Variants in IRS1 observed in about 807,000 individuals in gnomAD.
IRS1 encodes insulin receptor substrate 1.
IRS1 carries 34 observed loss-of-function variants against 65.6 expected under a neutral mutation model. The observed-to-expected ratio is 0.52, with a 90% CI of 0.39 to 0.69. The LOEUF is 0.69. IRS1 is among the 30% of genes least tolerant of loss of function. IRS1 has a pLI of 0.00. For missense variants in IRS1, 1,641 were observed against 1,720.2 expected, an observed-to-expected ratio of 0.95 and a Z score of 0.81; for synonymous variants, 699 against 683.5, an observed-to-expected ratio of 1.02 and a Z score of -0.35.
chr2:226,746,741 TA>T (rs1410462069), intron 1 of IRS1, among the ~76,000 whole-genome samples: 1 of 152,042 alleles, frequency 6.6e-6, no homozygotes, highest in Admixed American at 6.6e-5. Context: ...TCTTTCTTTT[TA>T]ATGTGGAAAA....
Position 226,747,693 on chromosome 2 carries a change from C to T in IRS1, c.*22-11443G>A, listed in dbSNP as rs79435348. Among the ~76,000 whole-genome samples the T allele has an allele frequency of 5.3e-3, 810 of 152,250 alleles. 6 individuals carry two copies. The highest frequency in any genetic ancestry group is 9.3e-3 in the Non-Finnish European group (632 of 68,016). ...GGCCAGACAGAAGCCATCCATCTGGCCTTTGGCAGAAACACGCTCATGAGG... is the reference window on the plus strand; with the variant it reads ...GGCCAGACAGAAGCCATCCATCTGGTCTTTGGCAGAAACACGCTCATGAGG... On this transcript the variant is annotated intron_variant, in intron 1 of 1. Transcript: ENST00000305123.
At chr2:226,749,934 T>G (rs1285088263) in intron 1 of IRS1, among the ~76,000 whole-genome samples, 1 of 152,068 alleles carries the variant, frequency 6.6e-6, no homozygotes, top group African/African-American at 2.4e-5. Context: ...TCCTTGATTG[T>G]GTGGTATTGT....
rs750186385 is a variant in IRS1 at position 226,797,683 on chromosome 2, G to A, written c.1056C>T (p.Asn352=). 1 of 1,597,616 alleles carries A rather than the reference G, an allele frequency of 6.3e-7. No homozygotes were observed. The highest frequency in any genetic ancestry group is 1.3e-5 in the African/African-American group (1 of 74,974). The stretch of plus-strand genomic sequence containing the variant: ...CCCGATGCCGGTGGGCGTGGGTTCT[G>A]TTGGTGCTGGGACTCACAGGGCTGC... The part of the protein sequence containing the change: ...VDGSPVSPST[N]RTHAHRHRGS... Residue 352 remains asparagine, a synonymous_variant, in exon 1 of 2, where the codon AAC becomes AAT. Coordinates refer to ENST00000305123, the MANE Select transcript of IRS1 (RefSeq NM_005544.3). This position sits in a 1 kb window ranked among gnomAD's most constrained non-coding sequence, Gnocchi z 8.1.
intron 1 of IRS1, among the ~76,000 whole-genome samples, chr2:226,791,673 C>T (rs953654354): frequency 6.6e-6 from 1 of 151,876 alleles, no homozygotes; most frequent in African/African-American, 2.4e-5. Flanking sequence ...CCGCGGAGAG[C>T]CCCGCCCCGC....
At position 226,797,755 on chromosome 2, in the gene IRS1, G is replaced by A. The variant is rs1939773949; in HGVS notation, c.984C>T (p.Ala328=). The change falls in exon 1 of 2, where the codon GCC becomes GCT. Residue 328 remains alanine, a synonymous_variant. Coordinates refer to ENST00000305123, the MANE Select transcript of IRS1 (RefSeq NM_005544.3). This position sits in a 1 kb window ranked among gnomAD's most constrained non-coding sequence, Gnocchi z 8.1. ...ACATGGTGCCTTCGCCGTCACTGGA[G>A]GCGCGGACACGGAAGGAGCCTGGCT... ...GGKPGSFRVR[A]SSDGEGTMSR... is the part of the protein sequence containing the mutation. 6.3e-7 allele frequency: 1 copy of A among 1,595,694 alleles called. No individual in the cohort carries two copies. Among genetic ancestry groups the A allele is most frequent in the Non-Finnish European group, 8.5e-7 (1 of 1,176,072 alleles).
intron 1 of IRS1, among the ~76,000 whole-genome samples, chr2:226,786,502 C>T (rs1939488736): frequency 6.6e-6 from 1 of 151,934 alleles, no homozygotes; most frequent in Admixed American, 6.6e-5. Flanking sequence ...GGGCATTTAA[C>T]CAACTTTTTA....
At chr2:226,740,590 G>C (rs1938417830) in intron 1 of IRS1, among the ~76,000 whole-genome samples, 2 of 152,146 alleles carry the variant, frequency 1.3e-5, no homozygotes, top group Admixed American at 1.3e-4. Context: ...GGAAAGATCT[G>C]TACACTCAGC....
intron 1 of IRS1, among the ~76,000 whole-genome samples, chr2:226,775,886 A>G (rs553151130): frequency 2.2e-4 from 33 of 152,224 alleles, no homozygotes; most frequent in Non-Finnish European, 4.1e-4. Context: ...TTTAGGGAAT[A>G]ATGACAAGGA....
At chr2:226,784,486 G>A (rs746206944) in intron 1 of IRS1, among the ~76,000 whole-genome samples, 1 of 151,998 alleles carries the variant, frequency 6.6e-6, no homozygotes, top group Non-Finnish European at 1.5e-5. Context: ...GCAAGGGTGT[G>A]ATCTTGGCTC....
rs1939856224 is a variant in IRS1, at chr2:226,799,800, C to A, written c.-1062G>T. ...AAAAACACGTGACGGAGCCTCCGCG[C>A]TCGGCAGCCGGGCAGCCGCCGCCGG... is the stretch of plus-strand genomic sequence containing the variant. On this transcript the variant is annotated 5_prime_UTR_variant, in exon 1 of 2. Coordinates refer to ENST00000305123, the MANE Select transcript of IRS1 (RefSeq NM_005544.3). The surrounding 1 kb of genome is among the most constrained non-coding windows in gnomAD (Gnocchi z 6.1). 2.0e-6 allele frequency: 2 copies of A among 990,200 alleles called. No homozygotes were observed. Among genetic ancestry groups the A allele is most frequent in the African/African-American group, 3.5e-5 (2 of 57,206 alleles). 61.3% of individuals were successfully genotyped at this position (990,200 alleles called of 1,614,324 possible). A position where few individuals can be genotyped will look rare whatever the true frequency, so the allele number is the denominator to read the frequency against.
chr2:226,764,279 C>T (rs553725372), intron 1 of IRS1, among the ~76,000 whole-genome samples: 1 of 152,142 alleles, frequency 6.6e-6, no homozygotes, highest in East Asian at 1.9e-4. Flanking sequence ...AACAGTGGCT[C>T]ATATCTGTAA....
At position 226,796,408 on chromosome 2, in the gene IRS1, G is replaced by A. The variant is rs140549144; in HGVS notation, c.2331C>T (p.Pro777=). The change falls in exon 1 of 2, where the codon CCC becomes CCT. Residue 777 remains proline (P), a synonymous_variant. Transcript: ENST00000305123. ...GCCGGGCACCCTCCTCCGGCTCCCC[G>A]GGGCGCTGGGTGTGCTTAAAGGATC... ...LPRSFKHTQR[P]GEPEEGARHQ... is the part of the protein sequence containing the mutation. 115 of 1,613,228 alleles carry A rather than the reference G, an allele frequency of 7.1e-5. No homozygotes were observed. In the Admixed American group the frequency reaches 8.5e-4, roughly 12 times the overall value.
rs922684905 is a variant in IRS1, at chr2:226,794,290, G to A, written c.*21+699C>T. On this transcript the variant is annotated intron_variant, in intron 1 of 1. Coordinates refer to ENST00000305123, the MANE Select transcript of IRS1 (RefSeq NM_005544.3). This position sits in a 1 kb window ranked among gnomAD's most constrained non-coding sequence, Gnocchi z 4.1. ...GGCCAGGCCCGTGGGATGGTGGGTC[G>A]GTGTGTGAATAATATTTCACAAATC... Among the ~76,000 whole-genome samples, 11 of 152,166 alleles carry A rather than the reference G, an allele frequency of 7.2e-5. No individual in the cohort carries two copies. Among genetic ancestry groups the A allele is most frequent in the South Asian group, 6.2e-4 (3 of 4,816 alleles).
At chr2:226,780,815 T>C (rs767259851) in intron 1 of IRS1, among the ~76,000 whole-genome samples, 5 of 152,258 alleles carry the variant, frequency 3.3e-5, no homozygotes, top group Admixed American at 2.6e-4. Context: ...TTTTTAAATA[T>C]TGGACAAATG....
intron 1 of IRS1, among the ~76,000 whole-genome samples, chr2:226,786,647 A>C (rs537195053): frequency 5.3e-5 from 8 of 151,232 alleles, no homozygotes; most frequent in East Asian, 1.9e-4. Context: ...TTAAAAAAAA[A>C]AAAACAAAAA....
intron 1 of IRS1, among the ~76,000 whole-genome samples, chr2:226,772,070 T>C (rs954431014): frequency 1.3e-5 from 2 of 152,202 alleles, no homozygotes; most frequent in African/African-American, 2.4e-5. Context: ...CACTGTTGTA[T>C]CTTTTCAGGC....
rs139336429 is a variant in IRS1 at position 226,738,849 on chromosome 2, G to A, written c.*22-2599C>T. Among the ~76,000 whole-genome samples, 796 of 152,266 alleles carry A rather than the reference G, an allele frequency of 5.2e-3. 8 individuals are homozygous for A. Among genetic ancestry groups the A allele is most frequent in the African/African-American group, 0.018 (759 of 41,544 alleles). On this transcript the variant is annotated intron_variant, in intron 1 of 1. Coordinates refer to ENST00000305123, the MANE Select transcript of IRS1 (RefSeq NM_005544.3). The stretch of plus-strand genomic sequence containing the variant: ...ACTTGTGACAAACAAACAAACTGCC[G>A]AACATAAAATGGGGGAGAAAGCAAA...
At chr2:226,743,073 T>A (rs943041667) in intron 1 of IRS1, among the ~76,000 whole-genome samples, 1 of 152,076 alleles carries the variant, frequency 6.6e-6, no homozygotes, top group African/African-American at 2.4e-5. Flanking sequence ...CTCCCCTCAA[T>A]TGCAAATCAA....
At position 226,797,187 on chromosome 2, in the gene IRS1, C is replaced by A; in HGVS notation, c.1552G>T (p.Asp518Tyr). Reference protein sequence around the residue: ...GDEAASAADLDNRFRKRTHSA... With the variant: ...GDEAASAADLYNRFRKRTHSA... ...TGAGTTCTCTTTCGGAACCGATTAT[C>A]CAGATCTGCAGCACTGGCTGCTTCA... The change falls in exon 1 of 2, where the codon GAT becomes TAT. Residue 518 changes from aspartate (D) to tyrosine (Y), a missense_variant. Physicochemically the swap from Asp to Tyr is radical, Grantham distance 160. Around this residue, in one of 3 missense-constraint regions of IRS1, gnomAD observed 1,324 missense variants for 1,361.0 expected, o/e 0.97. Coordinates refer to ENST00000305123, the MANE Select transcript of IRS1 (RefSeq NM_005544.3). This position sits in a 1 kb window ranked among gnomAD's most constrained non-coding sequence, Gnocchi z 8.1. 6.2e-7 allele frequency: 1 copy of A among 1,613,978 alleles called. No homozygotes were observed. Among genetic ancestry groups the A allele is most frequent in the Non-Finnish European group, 8.5e-7 (1 of 1,180,020 alleles).
Sources: allele counts gnomAD v4.1 joint callset (sites outside exome capture counted in the v4.1 genomes callset), GRCh38; gene constraint gnomAD v4.1.1; regional missense constraint gnomAD v4.1.1; non-coding constraint Gnocchi (gnomAD v3.1); transcripts MANE v1.5; gene names NCBI Gene and HGNC (gene_info 2026-07-23, HGNC 2026-07-21).